CUTC: variants seen among roughly 807,000 people sequenced by gnomAD.
The protein encoded by CUTC is copper homeostasis protein cutC homolog.
A neutral mutation model predicts 36.2 loss-of-function variants in CUTC; 27 were observed. The ratio of observed to expected loss-of-function variants is 0.75; its 90% CI spans 0.55 to 1.03. CUTC has a LOEUF of 1.03. Among genes scored for constraint, CUTC ranks in the 50% least tolerant of loss-of-function variants. The pLI is 0.00. For missense variants in CUTC, 315 were observed against 343.5 expected (o/e 0.92, Z 0.66); for synonymous variants, 114 against 118.3 (o/e 0.96, Z 0.24).
chr10:99,752,399 G>T (rs1309509189), intron 7 of CUTC, among the ~76,000 whole-genome samples: 1 of 151,498 alleles, frequency 6.6e-6, no homozygotes, highest in African/African-American at 2.4e-5. Flanking sequence ...AAAAAAAAAG[G>T]CCATATAAGG....
intron 8 of CUTC, among the ~76,000 whole-genome samples, chr10:99,755,326 A>C (rs886546729): frequency 3.3e-5 from 5 of 151,762 alleles, no homozygotes; most frequent in African/African-American, 4.8e-5. Flanking sequence ...CATCTCTACT[A>C]AAAGTACAAA....
At position 99,740,827 on chromosome 10, in the gene CUTC, C is replaced by T. The variant is rs2037335894; in HGVS notation, c.193+1058C>T. 2.0e-5 allele frequency among the ~76,000 whole-genome samples: 3 copies of T among 152,112 alleles called. No homozygotes were observed. The South Asian group carries it at 6.2e-4, about 32-fold the overall frequency. On this transcript the variant is annotated intron_variant, in intron 3 of 8. Coordinates refer to ENST00000370476, the MANE Select transcript of CUTC (RefSeq NM_015960.3). ...TTTGCATAGTTGCTATTGTTTTGTC[C>T]TTGAGCTTACTGACCTTTTCTTCTG...
Position 99,755,903 on chromosome 10 carries a change from T to C in CUTC, c.*164T>C. The C allele has an allele frequency of 1.8e-6, 1 of 556,804 alleles. No homozygotes were observed. Among genetic ancestry groups the C allele is most frequent in the East Asian group, 2.9e-5 (1 of 34,204 alleles). The allele number at this position is 556,804 out of a possible 1,614,324, so 34.5% of individuals were successfully genotyped here. On this transcript the variant is annotated 3_prime_UTR_variant, in exon 9 of 9. Coordinates refer to ENST00000370476, the MANE Select transcript of CUTC (RefSeq NM_015960.3). ...AATGTGCCCAAGAAGAAAAAGAATT[T>C]GAAACAGAGATACAGTCACTTCCTT... is the stretch of plus-strand genomic sequence containing the variant.
intron 5 of CUTC, among the ~76,000 whole-genome samples, chr10:99,744,908 A>G (rs934436245): frequency 6.6e-6 from 1 of 152,176 alleles, no homozygotes; most frequent in African/African-American, 2.4e-5. Context: ...GCCTGCCACC[A>G]TGCCCAGCTA....
rs1220168506 is a variant in CUTC at position 99,732,408 on chromosome 10, C to T, written c.60C>T (p.Ala20=). Residue 20 remains alanine (A), a splice_region_variant and synonymous_variant, in exon 1 of 9, where the codon GCC becomes GCT. Coordinates refer to ENST00000370476, the MANE Select transcript of CUTC (RefSeq NM_015960.3). ...RKRARIPSGK[A]GAANGFLMEV... Reference sequence around the variant, plus strand: ...GAGCGCGGATACCGTCCGGGAAGGCCGGTGCGGAAGGTGGCGGGGGAGGGG... The same window carrying T: ...GAGCGCGGATACCGTCCGGGAAGGCTGGTGCGGAAGGTGGCGGGGGAGGGG... 1 of 1,550,874 alleles carries T rather than the reference C, an allele frequency of 6.4e-7. No homozygotes were observed. The highest frequency in any genetic ancestry group is 8.7e-7 in the Non-Finnish European group (1 of 1,147,072).
chr10:99,747,317 A>G lies in CUTC; in HGVS notation c.500A>G (p.Glu167Gly). Residue 167 changes from glutamate to glycine, a missense_variant, in exon 6 of 9, where the codon GAA becomes GGA. Coordinates refer to ENST00000370476, the MANE Select transcript of CUTC (RefSeq NM_015960.3). Reference protein sequence around the residue: ...ALETLLTLGFERVLTSGCDSS... With the variant: ...ALETLLTLGFGRVLTSGCDSS... ...GAGACCCTCTTAACCTTGGGATTTG[A>G]ACGCGTGTTGACCAGTGGATGTGAC... is the stretch of plus-strand genomic sequence containing the variant. 1 of 1,614,160 alleles carries G rather than the reference A, an allele frequency of 6.2e-7. No individual in the cohort carries two copies. The highest frequency in any genetic ancestry group is 8.5e-7 in the Non-Finnish European group (1 of 1,179,994).
chr10:99,747,412 T>C (rs777274689), intron 6 of CUTC, 22 bp downstream of exon 6: 3 of 1,613,780 alleles, frequency 1.9e-6, no homozygotes, highest in East Asian at 2.2e-5. Flanking sequence ...TTATCTTTTT[T>C]TCCCCTAAGA....
intron 5 of CUTC, among the ~76,000 whole-genome samples, chr10:99,744,846 C>T (rs762529696): frequency 2.6e-5 from 4 of 152,210 alleles, no homozygotes; most frequent in Non-Finnish European, 5.9e-5. Context: ...CTCTGCCTCC[C>T]GGGTTCAAGC....
chr10:99,736,850 G>A (rs149418610), intron 2 of CUTC, among the ~76,000 whole-genome samples: 45 of 152,200 alleles, frequency 3.0e-4, no homozygotes, highest in African/African-American at 1.0e-3. Context: ...TCAACACATG[G>A]CCAGTTTTTC....
intron 7 of CUTC, 25 bp from the exon 8 acceptor site, chr10:99,754,504 A>G (rs1395937075): frequency 2.1e-6 from 3 of 1,409,356 alleles, no homozygotes; most frequent in African/African-American, 2.8e-5. Flanking sequence ...ATTTTACTTA[A>G]TGTGTTACTT....
chr10:99,740,294 CT>C (rs560621193), intron 3 of CUTC, among the ~76,000 whole-genome samples: 93 of 151,874 alleles, frequency 6.1e-4, no homozygotes, highest in Admixed American at 1.2e-3. Context: ...CATTTTCATT[CT>C]GCCTGAAGTA....
chr10:99,733,542 A>T (rs956903111), intron 1 of CUTC, among the ~76,000 whole-genome samples: 2 of 151,306 alleles, frequency 1.3e-5, no homozygotes, highest in African/African-American at 4.9e-5. Flanking sequence ...CATGTCAAGT[A>T]GCCTCTTGAA....
chr10:99,743,142 T>A lies in CUTC; in HGVS notation c.194-11T>A. On this transcript the variant is annotated splice_polypyrimidine_tract_variant and intron_variant, in intron 3 of 8. Coordinates refer to ENST00000370476, the MANE Select transcript of CUTC (RefSeq NM_015960.3). Reference sequence around the variant, plus strand: ...CACATTTGAATTTTAATCTGCTTTCTTTTCTTGTAGGTGTCCTTCAAGTAG... The same window carrying A: ...CACATTTGAATTTTAATCTGCTTTCATTTCTTGTAGGTGTCCTTCAAGTAG... 6.2e-7 allele frequency: 1 copy of A among 1,612,818 alleles called. No homozygotes were observed. The highest frequency in any genetic ancestry group is 8.5e-7 in the Non-Finnish European group (1 of 1,178,970).
chr10:99,736,283 T>G lies in CUTC; in HGVS notation c.99T>G (p.Asp33Glu), dbSNP rs779313286. Residue 33 changes from aspartate (D) to glutamate (E), a missense_variant, in exon 2 of 9, where the codon GAT (aspartate) becomes GAG (glutamate). Transcript: ENST00000370476. ...ANGFLMEVCV[D>E]SVESAVNAER... ...GATTTCTCATGGAAGTTTGTGTTGA[T>G]TCAGTGGAATCAGCTGTGAATGCAG... 11 of 1,613,912 alleles carry G rather than the reference T, an allele frequency of 6.8e-6. No individual in the cohort carries two copies. In the Admixed American group the frequency reaches 1.8e-4, roughly 27 times the overall value.
At chr10:99,736,754 T>G in intron 2 of CUTC, among the ~76,000 whole-genome samples, 1 of 152,072 alleles carries the variant, frequency 6.6e-6, no homozygotes, top group East Asian at 1.9e-4. Context: ...AAAAAAAAAT[T>G]TTATTATGGA....
chr10:99,748,090 G>A (rs1158883619), intron 6 of CUTC, among the ~76,000 whole-genome samples: 1 of 152,210 alleles, frequency 6.6e-6, no homozygotes, highest in Non-Finnish European at 1.5e-5. Flanking sequence ...AAGTTAGTGA[G>A]TACAGACTTT....
chr10:99,755,528 C>T, intron 8 of CUTC, 97 bp from the exon 9 acceptor site: 1 of 731,666 alleles, frequency 1.4e-6, no homozygotes, highest in Admixed American at 2.3e-5. Flanking sequence ...CATACTTGAC[C>T]TACCCTTGTA....
At chr10:99,737,822 T>TAATTTTA (rs1590117564) in intron 2 of CUTC, among the ~76,000 whole-genome samples, 2 of 151,110 alleles carry the variant, frequency 1.3e-5, no homozygotes, top group Non-Finnish European at 2.9e-5. Flanking sequence ...GACATCATGT[T>TAATTTTA]AATTTTAAAT....
At chr10:99,747,415 C>A in intron 6 of CUTC, 25 bp downstream of exon 6, 1 of 1,613,368 alleles carries the variant, frequency 6.2e-7, no homozygotes, top group South Asian at 1.1e-5. Flanking sequence ...TCTTTTTTTC[C>A]CCTAAGACTC....
Sources: allele counts gnomAD v4.1 joint callset (sites outside exome capture counted in the v4.1 genomes callset), GRCh38; gene constraint gnomAD v4.1.1; transcripts MANE v1.5; gene names NCBI Gene and HGNC (gene_info 2026-07-23, HGNC 2026-07-21).